The following CNTNAP2 variants were observed in gnomAD, a reference collection of about 807,000 sequenced individuals.
The protein encoded by CNTNAP2 is contactin associated protein 2, also known as contactin-associated protein-like 2.
CNTNAP2 carries 98 observed loss-of-function variants against 155.2 expected under a neutral mutation model. That is an observed-to-expected ratio of 0.63 (90% CI 0.54 to 0.75). The LOEUF (loss-of-function observed/expected upper bound fraction) is 0.75, where lower values mean the gene tolerates loss of function less well. Among genes scored for constraint, CNTNAP2 ranks in the 30% least tolerant of loss-of-function variants. The pLI, the probability that CNTNAP2 is intolerant of heterozygous loss-of-function variation, is 0.00. For missense variants in CNTNAP2, 1,727 were observed against 1,688.1 expected (o/e 1.02, Z -0.40); for synonymous variants, 651 against 631.2 (o/e 1.03, Z -0.47).
At chr7:147,320,188 A>G (rs1389793130) in intron 9 of CNTNAP2, among the ~76,000 whole-genome samples, 1 of 152,194 alleles carries the variant, frequency 6.6e-6, no homozygotes, top group Non-Finnish European at 1.5e-5. Context: ...GCAGGAAGAA[A>G]GAAGTGAAAA....
intron 14 of CNTNAP2, among the ~76,000 whole-genome samples, chr7:147,943,594 C>T (rs1360727182): frequency 1.3e-5 from 2 of 151,700 alleles, no homozygotes; most frequent in Non-Finnish European, 2.9e-5. Flanking sequence ...CATGGTGAAG[C>T]CCCGTCTCTA....
At chr7:146,462,823 C>A (rs560456400) in intron 1 of CNTNAP2, among the ~76,000 whole-genome samples, 6 of 152,134 alleles carry the variant, frequency 3.9e-5, no homozygotes, top group South Asian at 4.2e-4. Flanking sequence ...ATGATTGATC[C>A]CTTGCAACAG....
chr7:148,055,870 C>T (rs1326028294), intron 15 of CNTNAP2, among the ~76,000 whole-genome samples: 1 of 152,140 alleles, frequency 6.6e-6, no homozygotes, highest in Non-Finnish European at 1.5e-5. Context: ...ATATTTTGGT[C>T]CCCATGATTT....
intron 11 of CNTNAP2, among the ~76,000 whole-genome samples, chr7:147,506,679 G>C (rs1408029866): frequency 6.6e-6 from 1 of 152,210 alleles, no homozygotes; most frequent in Non-Finnish European, 1.5e-5. Flanking sequence ...TTGCCCGGAA[G>C]GTGTGACTTG....
intron 11 of CNTNAP2, among the ~76,000 whole-genome samples, chr7:147,515,675 C>T (rs879615101): frequency 9.2e-5 from 14 of 152,092 alleles, no homozygotes; most frequent in Non-Finnish European, 1.8e-4. Flanking sequence ...TATCACCTGT[C>T]TCCCGCAATT....
At chr7:146,461,412 A>ATATAT (rs1563092955) in intron 1 of CNTNAP2, among the ~76,000 whole-genome samples, 1 of 148,658 alleles carries the variant, frequency 6.7e-6, no homozygotes, top group African/African-American at 2.6e-5. Flanking sequence ...CTCAAAAAAA[A>ATATAT]AAAATATAAT....
chr7:147,791,075 A>G (rs1323988774), intron 13 of CNTNAP2, among the ~76,000 whole-genome samples: 1 of 152,106 alleles, frequency 6.6e-6, no homozygotes, highest in African/African-American at 2.4e-5. Flanking sequence ...TGTTATTTCT[A>G]GTTGCACGTT....
At chr7:146,190,575 A>C (rs1562983675) in intron 1 of CNTNAP2, among the ~76,000 whole-genome samples, 1 of 152,204 alleles carries the variant, frequency 6.6e-6, no homozygotes, top group Non-Finnish European at 1.5e-5. Context: ...TGGCTTCAAA[A>C]TAAGAGTGTC....
intron 3 of CNTNAP2, among the ~76,000 whole-genome samples, chr7:147,020,423 A>T (rs1040183976): frequency 6.6e-6 from 1 of 152,058 alleles, no homozygotes; most frequent in Non-Finnish European, 1.5e-5. Context: ...TTATGTCTTG[A>T]CCTTGATTGT....
At chr7:147,536,903 C>G (rs1799551617) in intron 11 of CNTNAP2, among the ~76,000 whole-genome samples, 1 of 152,170 alleles carries the variant, frequency 6.6e-6, no homozygotes, top group South Asian at 2.1e-4. Flanking sequence ...CTCACCACGC[C>G]ACCTCTTCTA....
intron 1 of CNTNAP2, among the ~76,000 whole-genome samples, chr7:146,523,701 A>G (rs1308041032): frequency 6.6e-6 from 1 of 152,162 alleles, no homozygotes; most frequent in African/African-American, 2.4e-5. Context: ...TTTGACCTAA[A>G]TGGTGAATGC....
intron 5 of CNTNAP2, among the ~76,000 whole-genome samples, chr7:147,116,157 G>A (rs1199042441): frequency 1.3e-5 from 2 of 152,102 alleles, no homozygotes; most frequent in Non-Finnish European, 2.9e-5. Context: ...CAGCAATGAA[G>A]CCTGCAGGAC....
chr7:147,897,519 G>C (rs1332520111), intron 13 of CNTNAP2, among the ~76,000 whole-genome samples: 2 of 152,118 alleles, frequency 1.3e-5, no homozygotes, highest in Admixed American at 6.5e-5. Flanking sequence ...CATGAGGTCA[G>C]CTTTTTGAAT....
chr7:147,864,823 G>T (rs893125736), intron 13 of CNTNAP2, among the ~76,000 whole-genome samples: 6 of 152,070 alleles, frequency 3.9e-5, no homozygotes, highest in Non-Finnish European at 7.4e-5. Flanking sequence ...AAGGAGATTT[G>T]GGGCTGAGAC....
intron 8 of CNTNAP2, among the ~76,000 whole-genome samples, chr7:147,245,043 G>A (rs1270944550): frequency 1.3e-5 from 2 of 152,102 alleles, no homozygotes; most frequent in Non-Finnish European, 2.9e-5. Context: ...GATTAAAAGG[G>A]AAATGTTTAG....
intron 3 of CNTNAP2, among the ~76,000 whole-genome samples, chr7:146,842,473 A>G (rs1442611359): frequency 6.6e-6 from 1 of 152,152 alleles, no homozygotes; most frequent in Non-Finnish European, 1.5e-5. Flanking sequence ...GTTGGAGACT[A>G]TGTTAGTCTG....
intron 10 of CNTNAP2, among the ~76,000 whole-genome samples, chr7:147,429,676 T>C (rs1797435689): frequency 6.6e-6 from 1 of 152,184 alleles, no homozygotes; most frequent in Non-Finnish European, 1.5e-5. Context: ...GATGTTATCT[T>C]CTAGAATTTT....
chr7:147,921,760 G>A (rs17170746), intron 14 of CNTNAP2, among the ~76,000 whole-genome samples: 4,672 of 152,206 alleles, frequency 0.031, 256 homozygotes, highest in African/African-American at 0.11. Context: ...GTTTTATCAG[G>A]CCTTTGTATT....
chr7:147,411,362 CTG>C (rs1797099612), intron 10 of CNTNAP2, among the ~76,000 whole-genome samples: 1 of 152,188 alleles, frequency 6.6e-6, no homozygotes, highest in African/African-American at 2.4e-5. Context: ...AGTTACACAA[CTG>C]TGTATAATTC....
Sources: allele counts gnomAD v4.1 joint callset (sites outside exome capture counted in the v4.1 genomes callset), GRCh38; gene constraint gnomAD v4.1.1; transcripts MANE v1.5; gene names NCBI Gene and HGNC (gene_info 2026-07-23, HGNC 2026-07-21).